CFAP70: variants seen among roughly 807,000 people sequenced by gnomAD.
The protein encoded by CFAP70 is cilia and flagella associated protein 70.
Under a neutral mutation model 137.6 loss-of-function variants are expected in CFAP70, and 81 were observed. The observed-to-expected ratio is 0.59, with a 90% CI of 0.49 to 0.71. The LOEUF is 0.71. CFAP70 is among the 30% of genes least tolerant of loss of function. The pLI is 0.00. For missense variants in CFAP70, 976 were observed against 1,226.7 expected, an observed-to-expected ratio of 0.80 and a Z score of 3.05; for synonymous variants, 382 against 423.6, an observed-to-expected ratio of 0.90 and a Z score of 1.20.
chr10:73,362,487 C>T (rs1371810040), upstream of CFAP70, among the ~76,000 whole-genome samples: 1 of 152,012 alleles, frequency 6.6e-6, no homozygotes, highest in Non-Finnish European at 1.5e-5. Context: ...TTGTAGAGAT[C>T]TTTTGCCTAC....
chr10:73,313,371 CAAAA>C (rs775077463), intron 9 of CFAP70, among the ~76,000 whole-genome samples: 3 of 59,166 alleles, frequency 5.1e-5, no homozygotes, highest in Non-Finnish European at 3.5e-5. Flanking sequence ...GACTCTGTCT[CAAAA>C]AAAAAAAAAA....
intron 4 of CFAP70, among the ~76,000 whole-genome samples, chr10:73,346,154 C>T (rs2053685303): frequency 6.6e-6 from 1 of 151,918 alleles, no homozygotes; most frequent in South Asian, 2.1e-4. Flanking sequence ...GCCTTGGCCT[C>T]CCAAAGTGCT....
At chr10:73,286,677 C>T (rs535067811) in intron 19 of CFAP70, among the ~76,000 whole-genome samples, 2 of 152,130 alleles carry the variant, frequency 1.3e-5, no homozygotes, top group African/African-American at 4.8e-5. Flanking sequence ...AACCCAGTGG[C>T]GCTAGAGGAA....
chr10:73,258,957 C>T (rs2044831107), intron 25 of CFAP70, among the ~76,000 whole-genome samples: 1 of 152,192 alleles, frequency 6.6e-6, no homozygotes, highest in Non-Finnish European at 1.5e-5. Context: ...ACTTCATCAG[C>T]AATTCTAATT....
intron 8 of CFAP70, among the ~76,000 whole-genome samples, chr10:73,328,541 A>C (rs1007618495): frequency 6.8e-6 from 1 of 147,910 alleles, no homozygotes; most frequent in Admixed American, 6.7e-5. Context: ...CTACCATCAG[A>C]GTGAACAGGC....
chr10:73,301,419 A>G (rs1276612767), intron 12 of CFAP70, among the ~76,000 whole-genome samples: 1 of 152,226 alleles, frequency 6.6e-6, no homozygotes, highest in East Asian at 1.9e-4. Flanking sequence ...TGTTTTGACA[A>G]TGAAATATTA....
At chr10:73,341,276 T>C in intron 6 of CFAP70, 123 bp downstream of exon 7, 1 of 841,568 alleles carries the variant, frequency 1.2e-6, no homozygotes, top group Non-Finnish European at 1.8e-6. Flanking sequence ...ATATGTGTTT[T>C]ATTTTGGCAT....
chr10:73,281,676 A>C (rs570851599), intron 19 of CFAP70, among the ~76,000 whole-genome samples: 184 of 152,094 alleles, frequency 1.2e-3, no homozygotes, highest in African/African-American at 4.3e-3. Flanking sequence ...AAATAAAACA[A>C]ATCTTTCTAC....
chr10:73,268,350 G>A (rs1310092550), intron 25 of CFAP70, among the ~76,000 whole-genome samples: 1 of 152,142 alleles, frequency 6.6e-6, no homozygotes, highest in African/African-American at 2.4e-5. Context: ...TGATCTGTAT[G>A]TATTTGTTGA....
At chr10:73,312,505 C>T (rs2049999838) in exon 10 of CFAP70, 1 of 1,611,718 alleles carries the variant, frequency 6.2e-7, no homozygotes, top group South Asian at 1.1e-5. Context: ...CCATCTATAT[C>T]CTTTTCTTTC....
intron 25 of CFAP70, among the ~76,000 whole-genome samples, chr10:73,263,798 C>T (rs1053076695): frequency 6.6e-6 from 1 of 152,138 alleles, no homozygotes; most frequent in Non-Finnish European, 1.5e-5. Flanking sequence ...TTTTCTTACT[C>T]CTTGAACTTT....
At chr10:73,273,573 C>T (rs1185805068) in intron 23 of CFAP70, among the ~76,000 whole-genome samples, 2 of 152,184 alleles carry the variant, frequency 1.3e-5, no homozygotes, top group African/African-American at 4.8e-5. Context: ...CAGCAAACAG[C>T]CTAAGACCTG....
intron 6 of CFAP70, among the ~76,000 whole-genome samples, chr10:73,338,573 G>A (rs1246509370): frequency 1.3e-5 from 2 of 151,276 alleles, no homozygotes; most frequent in East Asian, 1.9e-4. Flanking sequence ...TGAGATTACA[G>A]ATGTGTGCCA....
intron 3 of CFAP70, among the ~76,000 whole-genome samples, chr10:73,348,868 C>T (rs986801444): frequency 3.3e-5 from 5 of 151,882 alleles, no homozygotes; most frequent in African/African-American, 1.2e-4. Context: ...TTCGAGACCA[C>T]CCTGACAAAC....
intron 25 of CFAP70, among the ~76,000 whole-genome samples, chr10:73,258,820 G>A (rs933686119): frequency 3.9e-5 from 6 of 152,068 alleles, no homozygotes; most frequent in African/African-American, 1.2e-4. Context: ...TTCCTGTAGC[G>A]CCCCCAGGCT....
exon 16 of CFAP70, chr10:73,293,343 T>C: frequency 2.5e-6 from 4 of 1,612,114 alleles, no homozygotes; most frequent in Non-Finnish European, 3.4e-6. Context: ...TGTTCACTGC[T>C]TGTATAAATG....
At chr10:73,351,103 A>G (rs1270279036) in intron 3 of CFAP70, among the ~76,000 whole-genome samples, 2 of 96,264 alleles carry the variant, frequency 2.1e-5, no homozygotes, top group African/African-American at 5.9e-5. Flanking sequence ...ATATATATAT[A>G]TATATATATG....
exon 15 of CFAP70, chr10:73,297,115 T>A: frequency 6.2e-7 from 1 of 1,613,922 alleles, no homozygotes; most frequent in Non-Finnish European, 8.5e-7. Flanking sequence ...AAGTTCCTCC[T>A]GGCTTTCAAA....
chr10:73,292,960 C>A (rs990943929), intron 16 of CFAP70, among the ~76,000 whole-genome samples: 2 of 152,102 alleles, frequency 1.3e-5, no homozygotes, highest in Non-Finnish European at 2.9e-5. Context: ...AGTTTTACAT[C>A]TTACATTTAG....
Sources: gnomAD v4.1 joint callset for allele counts (sites outside exome capture counted in the v4.1 genomes callset) on GRCh38, gnomAD v4.1.1 for gene constraint, MANE v1.5 for transcripts, NCBI Gene and HGNC (gene_info 2026-07-23, HGNC 2026-07-21) for gene names.